The following RALGPS2 variants were observed in gnomAD, a reference collection of about 807,000 sequenced individuals.
The protein encoded by RALGPS2 is Ral GEF with PH domain and SH3 binding motif 2.
RALGPS2 carries 43 observed loss-of-function variants against 86.8 expected under a neutral mutation model. The ratio of observed to expected loss-of-function variants is 0.50; its 90% CI spans 0.39 to 0.64. RALGPS2 has a LOEUF of 0.64. RALGPS2 is among the 30% of genes least tolerant of loss of function. The probability of loss-of-function intolerance (pLI) is 0.00; values close to 1 mark genes in which losing one functional copy is unlikely to be tolerated. For synonymous variants in RALGPS2, 243 were observed against 231.3 expected, an observed-to-expected ratio of 1.05 and a Z score of -0.46; for missense variants, 536 against 694.6, an observed-to-expected ratio of 0.77 and a Z score of 2.57.
intron 1 of RALGPS2, among the ~76,000 whole-genome samples, chr1:178,760,806 G>A (rs897460408): frequency 1.3e-5 from 2 of 152,040 alleles, no homozygotes; most frequent in African/African-American, 4.8e-5. Context: ...AGGTGCTCTG[G>A]ATTTCTTATA....
chr1:178,882,790 T>C (rs1248030246), intron 10 of RALGPS2, among the ~76,000 whole-genome samples: 1 of 152,208 alleles, frequency 6.6e-6, no homozygotes, highest in Non-Finnish European at 1.5e-5. Context: ...AAGTACCATA[T>C]AATAAACTCT....
intron 1 of RALGPS2, among the ~76,000 whole-genome samples, chr1:178,746,309 T>A (rs1651327265): frequency 6.6e-6 from 1 of 152,228 alleles, no homozygotes; most frequent in Non-Finnish European, 1.5e-5. Context: ...ACGCTAAGTA[T>A]ATGAAAAGAT....
At chr1:178,729,116 T>G (rs1281453548) in intron 1 of RALGPS2, among the ~76,000 whole-genome samples, 2 of 152,236 alleles carry the variant, frequency 1.3e-5, no homozygotes, top group African/African-American at 4.8e-5. Flanking sequence ...ATCTTGAATT[T>G]AATTGATAGT....
At chr1:178,876,726 C>G (rs1355542635) in intron 8 of RALGPS2, among the ~76,000 whole-genome samples, 2 of 152,134 alleles carry the variant, frequency 1.3e-5, no homozygotes, top group Non-Finnish European at 2.9e-5. Context: ...TAATACATTT[C>G]ACATGTGCAT....
chr1:178,860,192 T>A (rs1037013148), intron 8 of RALGPS2, among the ~76,000 whole-genome samples: 1 of 151,856 alleles, frequency 6.6e-6, no homozygotes, highest in African/African-American at 2.4e-5. Context: ...TAATTTTTTT[T>A]AATAAAAGAC....
chr1:178,732,396 T>G (rs1390704185), intron 1 of RALGPS2, among the ~76,000 whole-genome samples: 2 of 152,166 alleles, frequency 1.3e-5, no homozygotes, highest in Non-Finnish European at 2.9e-5. Context: ...TCTCCTGGGT[T>G]CAGGTGGTTC....
chr1:178,774,577 G>A (rs1475928895), intron 1 of RALGPS2, among the ~76,000 whole-genome samples: 6 of 152,098 alleles, frequency 3.9e-5, no homozygotes, highest in South Asian at 2.1e-4. Context: ...AAGAGAATCT[G>A]GATTATCAGC....
intron 1 of RALGPS2, among the ~76,000 whole-genome samples, chr1:178,759,864 T>C (rs760793348): frequency 2.6e-5 from 4 of 152,156 alleles, no homozygotes; most frequent in Non-Finnish European, 5.9e-5. Flanking sequence ...TGGGATTACT[T>C]TTTAAAATTG....
chr1:178,866,509 T>C (rs1276452483), intron 8 of RALGPS2, among the ~76,000 whole-genome samples: 2 of 152,184 alleles, frequency 1.3e-5, no homozygotes, highest in African/African-American at 4.8e-5. Context: ...TAATTATATG[T>C]ACTCTGAGCT....
intron 19 of RALGPS2, among the ~76,000 whole-genome samples, chr1:178,908,851 C>G (rs1203330983): frequency 1.3e-5 from 2 of 152,156 alleles, no homozygotes; most frequent in African/African-American, 4.8e-5. Context: ...CTCCCATTCT[C>G]TAGGAATGTT....
At chr1:178,862,578 G>A (rs1357351011) in intron 8 of RALGPS2, among the ~76,000 whole-genome samples, 1 of 150,634 alleles carries the variant, frequency 6.6e-6, no homozygotes, top group Non-Finnish European at 1.5e-5. Context: ...GGGCCTCAAG[G>A]AGGAGTTGCA....
intron 4 of RALGPS2, among the ~76,000 whole-genome samples, chr1:178,792,382 G>C (rs1339032777): frequency 1.3e-5 from 2 of 152,098 alleles, no homozygotes; most frequent in African/African-American, 4.8e-5. Flanking sequence ...TCCTTCTTCT[G>C]TTCTCCAGTA....
At chr1:178,856,234 T>TATATATATATACATATACACACAC (rs1368301659) in intron 8 of RALGPS2, among the ~76,000 whole-genome samples, 2 of 128,776 alleles carry the variant, frequency 1.6e-5, no homozygotes, top group African/African-American at 6.3e-5. Flanking sequence ...TATATATATA[T>TATATATATATACATATACACACAC]GGTTTTGGGT....
chr1:178,891,352 A>G (rs1230180615), intron 14 of RALGPS2, among the ~76,000 whole-genome samples: 1 of 152,146 alleles, frequency 6.6e-6, no homozygotes, highest in Non-Finnish European at 1.5e-5. Flanking sequence ...ACTCATGGAT[A>G]GTGAACTTGA....
At chr1:178,847,618 A>G (rs1257815450) in intron 8 of RALGPS2, among the ~76,000 whole-genome samples, 2 of 152,232 alleles carry the variant, frequency 1.3e-5, no homozygotes, top group Non-Finnish European at 2.9e-5. Flanking sequence ...TCTTTAACTT[A>G]CTACAAAGAT....
chr1:178,779,038 G>A (rs1306983428), intron 2 of RALGPS2, among the ~76,000 whole-genome samples: 1 of 151,928 alleles, frequency 6.6e-6, no homozygotes. Context: ...ATCCTTGAGG[G>A]CAATAATGCA....
intron 1 of RALGPS2, among the ~76,000 whole-genome samples, chr1:178,741,145 G>C (rs530615797): frequency 6.6e-6 from 1 of 152,326 alleles, no homozygotes; most frequent in South Asian, 2.1e-4. Flanking sequence ...GTGTAAACAA[G>C]ATAAGGTATA....
At chr1:178,873,033 G>T (rs1032186355) in intron 8 of RALGPS2, among the ~76,000 whole-genome samples, 5 of 152,130 alleles carry the variant, frequency 3.3e-5, no homozygotes, top group Non-Finnish European at 7.4e-5. Context: ...AAGAAGAATG[G>T]TGGGGGCTTA....
chr1:178,843,577 G>A (rs1656711425), intron 8 of RALGPS2, among the ~76,000 whole-genome samples: 2 of 148,998 alleles, frequency 1.3e-5, no homozygotes, highest in Admixed American at 6.7e-5. Context: ...TGGGTGCAGT[G>A]CACCAACATG....
Sources: gnomAD v4.1 joint callset for allele counts (sites outside exome capture counted in the v4.1 genomes callset) on GRCh38, gnomAD v4.1.1 for gene constraint, MANE v1.5 for transcripts, NCBI Gene and HGNC (gene_info 2026-07-23, HGNC 2026-07-21) for gene names.